CACNA2D3: variants seen among roughly 807,000 people sequenced by gnomAD.
The protein encoded by CACNA2D3 is calcium voltage-gated channel auxiliary subunit alpha2delta 3.
A neutral mutation model predicts 160.6 loss-of-function variants in CACNA2D3; 60 were observed. The ratio of observed to expected loss-of-function variants is 0.37; its 90% confidence interval spans 0.30 to 0.46. CACNA2D3 has a LOEUF of 0.46. Ranked by LOEUF, CACNA2D3 falls within the 20% of genes least tolerant of loss-of-function variation. The probability of loss-of-function intolerance (pLI) is 1.00; values close to 1 mark genes in which losing one functional copy is unlikely to be tolerated. For synonymous variants in CACNA2D3, 558 were observed against 492.9 expected, an observed-to-expected ratio of 1.13 and a Z score of -1.75; for missense variants, 1,205 against 1,365.0, an observed-to-expected ratio of 0.88 and a Z score of 1.85.
chr3:54,415,672 T>G (rs542188657), intron 4 of CACNA2D3, among the ~76,000 whole-genome samples: 32 of 152,324 alleles, frequency 2.1e-4, no homozygotes, highest in Non-Finnish European at 3.8e-4. Context: ...TCACAGACAT[T>G]ATTTCATTTA....
intron 11 of CACNA2D3, among the ~76,000 whole-genome samples, chr3:54,747,626 A>G (rs1367703288): frequency 6.6e-6 from 1 of 152,092 alleles, no homozygotes. Context: ...TGTGGCACCC[A>G]TTGTATCTCC....
chr3:54,987,709 G>A lies in CACNA2D3; in HGVS notation c.2646G>A (p.Glu882=). The A allele has an allele frequency of 6.2e-7, 1 of 1,610,766 alleles. No individual in the cohort carries two copies. Among genetic ancestry groups the A allele is most frequent in the Non-Finnish European group, 8.5e-7 (1 of 1,178,824 alleles). ...CTGGAGACTTTTTTGGTGAGATCGA[G>A]GGAGCTGTGATGAACAAATTGCTAA... The part of the protein sequence containing the change: ...TQTGDFFGEI[E]GAVMNKLLTM... Residue 882 remains glutamate (E), a synonymous_variant, in exon 31 of 38, where the codon GAG becomes GAA. Coordinates refer to ENST00000474759, the MANE Select transcript of CACNA2D3 (RefSeq NM_018398.3).
intron 15 of CACNA2D3, 38 bp downstream of exon 15, chr3:54,837,268 A>C: frequency 6.3e-7 from 1 of 1,586,870 alleles, no homozygotes; most frequent in Non-Finnish European, 8.7e-7. Context: ...TGATGCTAGG[A>C]GGGTGGTTTT....
intron 11 of CACNA2D3, among the ~76,000 whole-genome samples, chr3:54,648,187 GC>G (rs1335592658): frequency 2.0e-5 from 3 of 152,182 alleles, no homozygotes; most frequent in Non-Finnish European, 4.4e-5. Flanking sequence ...GCCAAATCTG[GC>G]CCATTGCCTG....
At chr3:55,029,926 C>T (rs1257929272) in intron 35 of CACNA2D3, among the ~76,000 whole-genome samples, 1 of 152,170 alleles carries the variant, frequency 6.6e-6, no homozygotes, top group Non-Finnish European at 1.5e-5. Context: ...CAATAGGATT[C>T]ATTTTCCCAT....
At chr3:54,935,541 A>C (rs1254531051) in intron 27 of CACNA2D3, among the ~76,000 whole-genome samples, 1 of 152,178 alleles carries the variant, frequency 6.6e-6, no homozygotes, top group East Asian at 1.9e-4. Flanking sequence ...TTTTACTTAG[A>C]TCTTTTGAGT....
At chr3:54,721,589 C>T (rs549203705) in intron 11 of CACNA2D3, among the ~76,000 whole-genome samples, 20 of 151,862 alleles carry the variant, frequency 1.3e-4, no homozygotes, top group Non-Finnish European at 2.2e-4. Flanking sequence ...GGTGAAACCC[C>T]GTCTCTACTA....
At chr3:54,734,011 G>A (rs1433524145) in intron 11 of CACNA2D3, among the ~76,000 whole-genome samples, 1 of 151,780 alleles carries the variant, frequency 6.6e-6, no homozygotes, top group Non-Finnish European at 1.5e-5. Flanking sequence ...GTTTGACTTT[G>A]GATGCTATGA....
intron 4 of CACNA2D3, among the ~76,000 whole-genome samples, chr3:54,460,950 A>C (rs1458081527): frequency 2.6e-5 from 4 of 152,166 alleles, no homozygotes; most frequent in Non-Finnish European, 4.4e-5. Flanking sequence ...GATACGTCCC[A>C]TCAGTACCTA....
intron 2 of CACNA2D3, among the ~76,000 whole-genome samples, chr3:54,149,535 G>A (rs1426051482): frequency 3.3e-5 from 5 of 152,072 alleles, no homozygotes; most frequent in Non-Finnish European, 5.9e-5. Flanking sequence ...TGTGGGTTCC[G>A]GGTTGGCATG....
chr3:54,324,614 A>G (rs909750320), intron 3 of CACNA2D3, among the ~76,000 whole-genome samples: 4 of 152,032 alleles, frequency 2.6e-5, no homozygotes, highest in African/African-American at 7.2e-5. Context: ...TGATATGGCC[A>G]TGCTCCTGCT....
intron 9 of CACNA2D3, among the ~76,000 whole-genome samples, chr3:54,596,467 G>T (rs1702956748): frequency 6.6e-6 from 1 of 152,108 alleles, no homozygotes; most frequent in South Asian, 2.1e-4. Flanking sequence ...ATACATCCCT[G>T]TTTGCCCAGG....
At chr3:54,878,289 C>A (rs566825369) in intron 18 of CACNA2D3, among the ~76,000 whole-genome samples, 46 of 152,224 alleles carry the variant, frequency 3.0e-4, no homozygotes, top group Admixed American at 3.9e-4. Flanking sequence ...CCTTCTCTGT[C>A]GTCTTGCCTT....
In CACNA2D3 at chr3:54,922,361, A is replaced by G. The variant is rs1198374061; in HGVS notation, c.2449+22493A>G. 3.9e-5 allele frequency among the ~76,000 whole-genome samples: 6 copies of G among 151,914 alleles called. No individual in the cohort carries two copies. The South Asian group carries it at 6.3e-4, about 16-fold the overall frequency. On this transcript the variant is annotated intron_variant, in intron 27 of 37. Transcript: ENST00000474759. Reference sequence around the variant, plus strand: ...TTAATCAAGAAATGTTCTTTAATGAAAACTATCTTTCTGTGTTGGCTGGCC... The same window carrying G: ...TTAATCAAGAAATGTTCTTTAATGAGAACTATCTTTCTGTGTTGGCTGGCC...
At chr3:54,257,861 C>T (rs759996758) in intron 2 of CACNA2D3, among the ~76,000 whole-genome samples, 1 of 152,062 alleles carries the variant, frequency 6.6e-6, no homozygotes, top group Non-Finnish European at 1.5e-5. Context: ...GAGGGAAATC[C>T]AGGTAGGAAG....
rs529999515 is a variant in CACNA2D3 at position 54,311,454 on chromosome 3, C to G, written c.205-8988C>G. 3.9e-5 allele frequency among the ~76,000 whole-genome samples: 6 copies of G among 152,320 alleles called. No homozygotes were observed. The South Asian group carries it at 1.2e-3, about 32-fold the overall frequency. ...ATCATATATGCTGCATAGGCATCCCCTTTTCTGGGAACTTTGACTAATCCA... is the reference window on the plus strand; with the variant it reads ...ATCATATATGCTGCATAGGCATCCCGTTTTCTGGGAACTTTGACTAATCCA... On this transcript the variant is annotated intron_variant, in intron 2 of 37. Coordinates refer to ENST00000474759, the MANE Select transcript of CACNA2D3 (RefSeq NM_018398.3).
intron 11 of CACNA2D3, among the ~76,000 whole-genome samples, chr3:54,741,327 C>T (rs1396985443): frequency 2.6e-5 from 4 of 152,250 alleles, no homozygotes; most frequent in African/African-American, 9.6e-5. Flanking sequence ...TAGAAGACCT[C>T]TCTTCCTTTG....
chr3:54,997,873 C>A (rs189147459), intron 31 of CACNA2D3, among the ~76,000 whole-genome samples: 6 of 152,234 alleles, frequency 3.9e-5, no homozygotes, highest in African/African-American at 1.4e-4. Context: ...CCAGATTCTT[C>A]GATGAGGCCT....
intron 2 of CACNA2D3, among the ~76,000 whole-genome samples, chr3:54,171,158 T>TTTTTTTTTTTTA (rs1553743546): frequency 3.6e-5 from 5 of 140,678 alleles, no homozygotes; most frequent in African/African-American, 1.5e-4. Context: ...TTTTTTTTTT[T>TTTTTTTTTTTTA]AGGAATAGCT....
Sources: gnomAD v4.1 joint callset for allele counts (sites outside exome capture counted in the v4.1 genomes callset) on GRCh38, gnomAD v4.1.1 for gene constraint, MANE v1.5 for transcripts, NCBI Gene and HGNC (gene_info 2026-07-23, HGNC 2026-07-21) for gene names.